BMPR1A: variants seen among roughly 807,000 people sequenced by gnomAD.
BMPR1A encodes the protein bone morphogenetic protein receptor type-1A.
Under a neutral mutation model 66.0 loss-of-function variants are expected in BMPR1A, and 7 were observed. That is an observed-to-expected ratio of 0.11 (90% CI 0.06 to 0.20). The LOEUF (loss-of-function observed/expected upper bound fraction) is 0.20, where lower values mean the gene tolerates loss of function less well. BMPR1A is among the 10% of genes least tolerant of loss of function. The probability of loss-of-function intolerance (pLI) is 1.00; values close to 1 mark genes in which losing one functional copy is unlikely to be tolerated. For missense variants in BMPR1A, 408 were observed against 669.1 expected, an observed-to-expected ratio of 0.61 and a Z score of 4.31; for synonymous variants, 200 against 229.7, an observed-to-expected ratio of 0.87 and a Z score of 1.17.
chr10:86,820,514 G>T (rs1842107414), intron 1 of BMPR1A, among the ~76,000 whole-genome samples: 1 of 151,800 alleles, frequency 6.6e-6, no homozygotes, highest in Admixed American at 6.6e-5. Context: ...TTTTTCTAAG[G>T]CTCAGTCCTT....
chr10:86,914,178 C>T (rs34312528), intron 8 of BMPR1A, among the ~76,000 whole-genome samples: 3 of 150,874 alleles, frequency 2.0e-5, no homozygotes, highest in African/African-American at 7.3e-5. Context: ...GTCCATTTAA[C>T]AGATGGTGCA....
chr10:86,840,765 A>G (rs1215669152), intron 2 of BMPR1A, among the ~76,000 whole-genome samples: 1 of 152,178 alleles, frequency 6.6e-6, no homozygotes, highest in African/African-American at 2.4e-5. Flanking sequence ...ACCCAGGCTC[A>G]GAGTCTCAGT....
At chr10:86,797,606 T>TC (rs1325923771) in intron 1 of BMPR1A, among the ~76,000 whole-genome samples, 5 of 152,070 alleles carry the variant, frequency 3.3e-5, no homozygotes, top group Non-Finnish European at 5.9e-5. Flanking sequence ...CCTCAAGTGA[T>TC]CCGCCCACCT....
intron 1 of BMPR1A, among the ~76,000 whole-genome samples, chr10:86,767,593 G>T (rs930200381): frequency 6.6e-6 from 1 of 152,078 alleles, no homozygotes; most frequent in Non-Finnish European, 1.5e-5. Flanking sequence ...TGGGGGGATC[G>T]CTTGAGCCCA....
chr10:86,803,823 A>G (rs936270208), intron 1 of BMPR1A, among the ~76,000 whole-genome samples: 6 of 152,300 alleles, frequency 3.9e-5, no homozygotes, highest in South Asian at 2.1e-4. Flanking sequence ...ATCTGATTCT[A>G]CTGAAAAGTC....
intron 1 of BMPR1A, among the ~76,000 whole-genome samples, chr10:86,791,980 A>T (rs1841634096): frequency 1.3e-5 from 2 of 148,966 alleles, no homozygotes; most frequent in African/African-American, 4.9e-5. Context: ...GGCCTCCCGG[A>T]AGTGCTGGGA....
chr10:86,873,646 T>C (rs559841488), intron 2 of BMPR1A, among the ~76,000 whole-genome samples: 1 of 151,980 alleles, frequency 6.6e-6, no homozygotes, highest in Non-Finnish European at 1.5e-5. Flanking sequence ...AGTAGAAATA[T>C]TTAGTGGGAA....
chr10:86,762,224 C>T (rs972042580), intron 1 of BMPR1A, among the ~76,000 whole-genome samples: 2 of 152,188 alleles, frequency 1.3e-5, no homozygotes, highest in Non-Finnish European at 2.9e-5. Flanking sequence ...TTTGTGGTCT[C>T]ATTTCAGGCA....
chr10:86,892,442 A>G (rs1448943859), intron 5 of BMPR1A, among the ~76,000 whole-genome samples: 1 of 152,130 alleles, frequency 6.6e-6, no homozygotes, highest in Admixed American at 6.6e-5. Context: ...TTTGATTACA[A>G]TTTCCTTTTT....
chr10:86,775,737 CTT>C (rs140527703), intron 1 of BMPR1A, among the ~76,000 whole-genome samples: 10,125 of 152,120 alleles, frequency 0.067, 415 homozygotes, highest in Non-Finnish European at 0.076. Context: ...TCCCTACTCT[CTT>C]TGCTCTCCCC....
intron 1 of BMPR1A, among the ~76,000 whole-genome samples, chr10:86,794,907 A>G (rs1198421099): frequency 6.6e-6 from 1 of 151,360 alleles, no homozygotes; most frequent in African/African-American, 2.4e-5. Context: ...GATGGAGTGC[A>G]ATGGTGCCAT....
At chr10:86,785,649 G>A (rs1589714872) in intron 1 of BMPR1A, among the ~76,000 whole-genome samples, 1 of 152,102 alleles carries the variant, frequency 6.6e-6, no homozygotes, top group African/African-American at 2.4e-5. Context: ...ACTCTCCAGT[G>A]TTCAAATTCT....
At chr10:86,801,933 C>A (rs1433887850) in intron 1 of BMPR1A, among the ~76,000 whole-genome samples, 1 of 152,028 alleles carries the variant, frequency 6.6e-6, no homozygotes, top group Non-Finnish European at 1.5e-5. Flanking sequence ...CCAGGATGGT[C>A]TCGATCTCCT....
intron 2 of BMPR1A, among the ~76,000 whole-genome samples, chr10:86,853,571 G>A (rs1031721471): frequency 2.0e-5 from 3 of 151,090 alleles, no homozygotes; most frequent in African/African-American, 7.2e-5. Flanking sequence ...TGCCCCGATA[G>A]TCATGTAGGT....
At chr10:86,886,047 G>A (rs1043080317) in intron 3 of BMPR1A, among the ~76,000 whole-genome samples, 1 of 152,154 alleles carries the variant, frequency 6.6e-6, no homozygotes. Flanking sequence ...AAACATGTAA[G>A]CTATTAAATA....
intron 2 of BMPR1A, among the ~76,000 whole-genome samples, chr10:86,860,444 A>T (rs2133230505): frequency 6.6e-6 from 1 of 152,306 alleles, no homozygotes; most frequent in Middle Eastern, 3.4e-3. Flanking sequence ...AATCCCAGGA[A>T]AAAATCAGAA....
At chr10:86,907,370 C>T (rs990385040) in intron 7 of BMPR1A, among the ~76,000 whole-genome samples, 2 of 152,184 alleles carry the variant, frequency 1.3e-5, no homozygotes, top group African/African-American at 2.4e-5. Flanking sequence ...GGAACCCTAG[C>T]ACACTGCTGG....
At chr10:86,900,425 CT>C (rs561172840) in intron 7 of BMPR1A, among the ~76,000 whole-genome samples, 347 of 136,856 alleles carry the variant, frequency 2.5e-3, no homozygotes, top group Middle Eastern at 3.8e-3. Flanking sequence ...TGTTATAATT[CT>C]TTTTTTTTTT....
intron 1 of BMPR1A, among the ~76,000 whole-genome samples, chr10:86,781,936 G>T (rs1264726627): frequency 6.8e-6 from 1 of 146,870 alleles, no homozygotes; most frequent in African/African-American, 2.5e-5. Context: ...GCGCGATCTG[G>T]GCTCACTGCA....
Sources: gnomAD v4.1 joint callset for allele counts (sites outside exome capture counted in the v4.1 genomes callset) on GRCh38, gnomAD v4.1.1 for gene constraint, MANE v1.5 for transcripts, NCBI Gene and HGNC (gene_info 2026-07-23, HGNC 2026-07-21) for gene names.